Variants in RBM47 observed in about 807,000 individuals in gnomAD.
RBM47 encodes the protein RNA-binding protein 47.
A neutral mutation model predicts 47.1 loss-of-function variants in RBM47; 21 were observed. The ratio of observed to expected loss-of-function variants is 0.45; its 90% CI spans 0.32 to 0.64. The LOEUF (loss-of-function observed/expected upper bound fraction) is 0.64. RBM47 is among the 30% of genes least tolerant of loss of function. The pLI is 0.05. For missense variants in RBM47, 708 were observed against 870.9 expected (o/e 0.81, Z 2.35); for synonymous variants, 375 against 361.7 (o/e 1.04, Z -0.42).
intron 1 of RBM47, among the ~76,000 whole-genome samples, chr4:40,555,749 A>T (rs975978081): frequency 6.6e-6 from 1 of 152,194 alleles, no homozygotes; most frequent in Non-Finnish European, 1.5e-5. Context: ...ATGTGATCTG[A>T]AAGTCAGTGA....
At chr4:40,481,184 T>C (rs1477467951) in intron 2 of RBM47, among the ~76,000 whole-genome samples, 1 of 152,020 alleles carries the variant, frequency 6.6e-6, no homozygotes, top group Non-Finnish European at 1.5e-5. Flanking sequence ...CCATTTCAAC[T>C]GGTGTTTAAG....
chr4:40,562,469 T>A (rs564467185), intron 1 of RBM47, among the ~76,000 whole-genome samples: 5 of 149,748 alleles, frequency 3.3e-5, no homozygotes, highest in Middle Eastern at 3.4e-3. Context: ...CTATTTTTTT[T>A]TTTTTTTTTT....
chr4:40,573,152 C>CAA (rs369450436), intron 1 of RBM47, among the ~76,000 whole-genome samples: 75 of 63,462 alleles, frequency 1.2e-3, no homozygotes, highest in African/African-American at 1.8e-3. Flanking sequence ...GACTTCATCT[C>CAA]AAAAAAAAAA....
chr4:40,582,241 A>G (rs910330047), intron 1 of RBM47, among the ~76,000 whole-genome samples: 2 of 152,110 alleles, frequency 1.3e-5, no homozygotes, highest in Non-Finnish European at 2.9e-5. Context: ...TCTTTCCAAA[A>G]CTAAGATCTG....
chr4:40,524,234 C>T (rs1262056708), intron 2 of RBM47, among the ~76,000 whole-genome samples: 2 of 152,150 alleles, frequency 1.3e-5, no homozygotes, highest in Non-Finnish European at 2.9e-5. Context: ...CCTGCCAAAT[C>T]TCATGTGGCA....
intron 2 of RBM47, among the ~76,000 whole-genome samples, chr4:40,528,917 T>C (rs1727045161): frequency 6.6e-6 from 1 of 150,954 alleles, no homozygotes; most frequent in African/African-American, 2.4e-5. Flanking sequence ...CACTCCAGCC[T>C]GGGCGACAGA....
chr4:40,558,854 C>T (rs1196072880), intron 1 of RBM47, among the ~76,000 whole-genome samples: 1 of 149,304 alleles, frequency 6.7e-6, no homozygotes, highest in East Asian at 2.0e-4. Context: ...ATTAGCCGGG[C>T]GTGGTGGCAG....
At chr4:40,503,250 A>C (rs1723638638) in intron 2 of RBM47, among the ~76,000 whole-genome samples, 1 of 152,202 alleles carries the variant, frequency 6.6e-6, no homozygotes, top group Non-Finnish European at 1.5e-5. Flanking sequence ...AGGTGGCCTC[A>C]AGGTGGAAGG....
At chr4:40,529,879 T>TAA (rs1727206407) in intron 2 of RBM47, among the ~76,000 whole-genome samples, 1 of 142,730 alleles carries the variant, frequency 7.0e-6, no homozygotes, top group Non-Finnish European at 1.5e-5. Context: ...TAAATAAATA[T>TAA]TAAAATAAAA....
chr4:40,557,736 C>T (rs1288520569), intron 1 of RBM47, among the ~76,000 whole-genome samples: 2 of 112,674 alleles, frequency 1.8e-5, no homozygotes, highest in South Asian at 3.5e-4. Context: ...GCAACAAGAG[C>T]GAAACCCCAC....
At chr4:40,578,188 C>T (rs1317462393) in intron 1 of RBM47, among the ~76,000 whole-genome samples, 1 of 152,134 alleles carries the variant, frequency 6.6e-6, no homozygotes, top group Admixed American at 6.5e-5. Flanking sequence ...AGTTTCAAAT[C>T]TTTAATTGGC....
At chr4:40,482,384 G>C (rs1167560746) in intron 2 of RBM47, among the ~76,000 whole-genome samples, 2 of 152,076 alleles carry the variant, frequency 1.3e-5, no homozygotes, top group Non-Finnish European at 2.9e-5. Flanking sequence ...CTCCCAAGTA[G>C]CTGGGACTAC....
At chr4:40,582,658 G>T (rs1044749107) in intron 1 of RBM47, among the ~76,000 whole-genome samples, 1 of 152,184 alleles carries the variant, frequency 6.6e-6, no homozygotes, top group African/African-American at 2.4e-5. Flanking sequence ...TCCGTACTAT[G>T]ACCCCATATG....
Position 40,447,110 on chromosome 4 carries a change from A to G in RBM47, c.-31-8186T>C, listed in dbSNP as rs74437943. On this transcript the variant is annotated intron_variant, in intron 3 of 6. Coordinates refer to ENST00000295971, the MANE Select transcript of RBM47 (RefSeq NM_001098634.2). Reference sequence around the variant, plus strand: ...TGCCACATTGGATGCAAAATGTCCAACCATCTATGTAGATGCCAAATCCCC... The same window carrying G: ...TGCCACATTGGATGCAAAATGTCCAGCCATCTATGTAGATGCCAAATCCCC... 6.2e-3 allele frequency among the ~76,000 whole-genome samples: 945 copies of G among 152,294 alleles called. 16 individuals are homozygous for G. The highest frequency in any genetic ancestry group is 0.055 in the East Asian group (285 of 5,188).
At chr4:40,516,261 C>CTTT (rs541606790) in intron 2 of RBM47, among the ~76,000 whole-genome samples, 22 of 133,148 alleles carry the variant, frequency 1.7e-4, no homozygotes, top group African/African-American at 5.3e-4. Flanking sequence ...TCTTTTCTTT[C>CTTT]TTTTTTTTTT....
chr4:40,562,461 A>ATTTTTTT (rs67887812), intron 1 of RBM47, among the ~76,000 whole-genome samples: 1 of 113,750 alleles, frequency 8.8e-6, no homozygotes, highest in African/African-American at 3.5e-5. Flanking sequence ...ACTTCTCCCT[A>ATTTTTTT]TTTTTTTTTT....
chr4:40,525,704 G>C (rs1030472532), intron 2 of RBM47, among the ~76,000 whole-genome samples: 2 of 152,194 alleles, frequency 1.3e-5, no homozygotes, highest in Non-Finnish European at 2.9e-5. Context: ...TAACTAAGAA[G>C]AGGGGCATTT....
intron 6 of RBM47, among the ~76,000 whole-genome samples, chr4:40,432,103 C>CT (rs1426538713): frequency 6.6e-6 from 1 of 152,050 alleles, no homozygotes; most frequent in Non-Finnish European, 1.5e-5. Context: ...ATCCTCCCAT[C>CT]TTGGCCTCCC....
chr4:40,583,919 T>TTTG (rs1733282304), intron 1 of RBM47, among the ~76,000 whole-genome samples: 1 of 151,394 alleles, frequency 6.6e-6, no homozygotes, highest in Non-Finnish European at 1.5e-5. Context: ...TTAAATATAT[T>TTTG]TTGTGATTTA....
Sources: allele counts gnomAD v4.1 joint callset (sites outside exome capture counted in the v4.1 genomes callset), GRCh38; gene constraint gnomAD v4.1.1; transcripts MANE v1.5; gene names NCBI Gene and HGNC (gene_info 2026-07-23, HGNC 2026-07-21).